WWP2: variants seen among roughly 807,000 people sequenced by gnomAD.
The protein encoded by WWP2 is WW domain containing E3 ubiquitin protein ligase 2, also known as NEDD4-like E3 ubiquitin-protein ligase WWP2.
Under a neutral mutation model 121.0 loss-of-function variants are expected in WWP2, and 57 were observed. The ratio of observed to expected loss-of-function variants is 0.47; its 90% CI spans 0.38 to 0.59. The LOEUF (loss-of-function observed/expected upper bound fraction) is 0.59. WWP2 is among the 20% of genes least tolerant of loss of function. The pLI, the probability that WWP2 is intolerant of heterozygous loss-of-function variation, is 0.00. For missense variants in WWP2, 962 were observed against 1,158.9 expected, an observed-to-expected ratio of 0.83 and a Z score of 2.47; for synonymous variants, 449 against 441.3, an observed-to-expected ratio of 1.02 and a Z score of -0.22.
intron 7 of WWP2, among the ~76,000 whole-genome samples, chr16:69,880,017 T>G (rs2057798815): frequency 6.6e-6 from 1 of 151,688 alleles, no homozygotes; most frequent in African/African-American, 2.4e-5. Flanking sequence ...TATGGCCACA[T>G]TGGTTCTGCA....
At chr16:69,908,324 A>G (rs1453819013) in intron 8 of WWP2, among the ~76,000 whole-genome samples, 1 of 152,150 alleles carries the variant, frequency 6.6e-6, no homozygotes, top group Non-Finnish European at 1.5e-5. Flanking sequence ...CCTATAGATG[A>G]TCTTGTGGAG....
Position 69,871,883 on chromosome 16 carries a change from C to T in WWP2, c.655C>T (p.Arg219Cys), listed in dbSNP as rs766287861. The T allele has an allele frequency of 2.8e-5, 45 of 1,613,972 alleles. No homozygotes were observed. Among genetic ancestry groups the T allele is most frequent in the Admixed American group, 3.3e-5 (2 of 60,002 alleles). The stretch of plus-strand genomic sequence containing the variant: ...AAGCCCCGGTGCTCGGAGCCGGCAC[C>T]GCCAGCCCGTCAAGAACTCAGGCCA... Reference protein sequence around the residue: ...EQSPGARSRHRQPVKNSGHSG... With the variant: ...EQSPGARSRHCQPVKNSGHSG... Residue 219 changes from arginine to cysteine, a missense_variant, in exon 7 of 24, where the codon CGC becomes TGC. By Grantham distance (180) the Arg-to-Cys change is radical. Around this residue, in one of 3 missense-constraint regions of WWP2, gnomAD observed 211 missense variants for 196.5 expected, o/e 1.07. Coordinates refer to ENST00000359154, the MANE Select transcript of WWP2 (RefSeq NM_001270454.2).
intron 7 of WWP2, among the ~76,000 whole-genome samples, chr16:69,872,373 C>T (rs1270526361): frequency 2.6e-5 from 4 of 152,066 alleles, no homozygotes; most frequent in Non-Finnish European, 2.9e-5. Flanking sequence ...CCCACTGCCA[C>T]GCCCGGCTAA....
chr16:69,778,426 A>G (rs2055587485), intron 1 of WWP2, among the ~76,000 whole-genome samples: 1 of 151,986 alleles, frequency 6.6e-6, no homozygotes, highest in South Asian at 2.1e-4. Flanking sequence ...TTCCATGGCT[A>G]TTAGCAGGGG....
At position 69,909,136 on chromosome 16, in the gene WWP2, A is replaced by G. The variant is rs1489264926; in HGVS notation, c.1004+286A>G. ...ATGCCCAGCCTGTCCCTAAAGGCAG[A>G]GTGCTTCTTATTCGGCAGGGCTTCG... On this transcript the variant is annotated intron_variant, in intron 9 of 23. Coordinates refer to ENST00000359154, the MANE Select transcript of WWP2 (RefSeq NM_001270454.2). 1.6e-5 allele frequency: 17 copies of G among 1,096,156 alleles called. No homozygotes were observed. The South Asian group carries it at 4.6e-4, about 30-fold the overall frequency. 67.9% of individuals were successfully genotyped at this position (1,096,156 alleles called of 1,614,324 possible).
intron 8 of WWP2, among the ~76,000 whole-genome samples, chr16:69,898,997 C>A (rs1181007775): frequency 6.6e-6 from 1 of 152,230 alleles, no homozygotes; most frequent in Admixed American, 6.5e-5. Flanking sequence ...AGCCACCACA[C>A]CCAGCCAATC....
At chr16:69,791,606 C>G (rs888025334) in intron 2 of WWP2, among the ~76,000 whole-genome samples, 2 of 152,146 alleles carry the variant, frequency 1.3e-5, no homozygotes, top group African/African-American at 2.4e-5. Context: ...ACTGCAGCCT[C>G]AAAATAGGCT....
intron 4 of WWP2, among the ~76,000 whole-genome samples, chr16:69,825,614 T>A (rs1014243961): frequency 2.7e-5 from 4 of 150,016 alleles, no homozygotes; most frequent in Non-Finnish European, 4.4e-5. Context: ...ATAGCAGAAG[T>A]GGGTTTTTTT....
At position 69,937,112 on chromosome 16, in the gene WWP2, T is replaced by C. The variant is rs1374363975; in HGVS notation, c.2118-6T>C. 6.2e-7 allele frequency: 1 copy of C among 1,613,626 alleles called. No individual in the cohort carries two copies. The highest frequency in any genetic ancestry group is 8.5e-7 in the Non-Finnish European group (1 of 1,179,856). Reference sequence around the variant, plus strand: ...GACTCCACCCATGGCTGCTCTTTGGTCTCAGGCTGCTGACTGACTGGCGTT... The same window carrying C: ...GACTCCACCCATGGCTGCTCTTTGGCCTCAGGCTGCTGACTGACTGGCGTT... On this transcript the variant is annotated splice_polypyrimidine_tract_variant and splice_region_variant and intron_variant, in intron 19 of 23. Transcript: ENST00000359154. The surrounding 1 kb of genome is among the most constrained non-coding windows in gnomAD (Gnocchi z 6.6).
In WWP2 at chr16:69,808,708, T is replaced by G. The variant is rs138927140; in HGVS notation, c.340+9413T>G. Reference sequence around the variant, plus strand: ...TGAGCCACTGCGCCCGGCCATGGCCTGTCTTTGTATTTGGGTGTAGTGTTC... The same window carrying G: ...TGAGCCACTGCGCCCGGCCATGGCCGGTCTTTGTATTTGGGTGTAGTGTTC... On this transcript the variant is annotated intron_variant, in intron 4 of 23. Coordinates refer to ENST00000359154, the MANE Select transcript of WWP2 (RefSeq NM_001270454.2). Among the ~76,000 whole-genome samples the G allele has an allele frequency of 1.9e-3, 284 of 152,326 alleles. 1 individual carries two copies. Among genetic ancestry groups the G allele is most frequent in the Middle Eastern group, 0.01 (3 of 294 alleles).
Position 69,888,103 on chromosome 16 carries a change from A to T in WWP2, c.768A>T (p.Pro256=). Residue 256 remains proline (P), a synonymous_variant, in exon 8 of 24, where the codon CCA becomes CCT. Coordinates refer to ENST00000359154, the MANE Select transcript of WWP2 (RefSeq NM_001270454.2). The part of the protein sequence containing the change: ...EEPSVVGVTS[P]PAAPLSVTPN... The stretch of plus-strand genomic sequence containing the variant: ...CTTCCGTTGTTGGTGTGACGTCCCC[A>T]CCTGCTGCACCCTTGAGTGTGACCC... 4 of 1,614,202 alleles carry T rather than the reference A, an allele frequency of 2.5e-6. No homozygotes were observed. Among genetic ancestry groups the T allele is most frequent in the Admixed American group, 1.7e-5 (1 of 60,022 alleles).
intron 2 of WWP2, among the ~76,000 whole-genome samples, chr16:69,798,143 A>G (rs2056086066): frequency 6.6e-6 from 1 of 152,240 alleles, no homozygotes; most frequent in Non-Finnish European, 1.5e-5. Flanking sequence ...ATGGGAGGCT[A>G]CATGGGTTTA....
Position 69,925,435 on chromosome 16 carries a change from G to C in WWP2, c.1185G>C (p.Ser395=). 1.2e-6 allele frequency: 2 copies of C among 1,613,900 alleles called. No homozygotes were observed. Among genetic ancestry groups the C allele is most frequent in the Non-Finnish European group, 1.7e-6 (2 of 1,179,908 alleles). ...GCTGTGTTTCTTGTGTTTAGTCTTCGAGTGCTTCGACTGACCATGATCCCC... is the reference window on the plus strand; with the variant it reads ...GCTGTGTTTCTTGTGTTTAGTCTTCCAGTGCTTCGACTGACCATGATCCCC... ...HFSQRFLYQS[S]SASTDHDPLG... is the part of the protein sequence containing the mutation. The change falls in exon 11 of 24, where the codon TCG becomes TCC. Residue 395 remains serine (S), a synonymous_variant. Coordinates refer to ENST00000359154, the MANE Select transcript of WWP2 (RefSeq NM_001270454.2). This position sits in a 1 kb window ranked among gnomAD's most constrained non-coding sequence, Gnocchi z 4.0.
In WWP2 at chr16:69,930,276, G is replaced by A. The variant is rs755136848; in HGVS notation, c.1445+18G>A. 1.2e-6 allele frequency: 2 copies of A among 1,612,080 alleles called. No homozygotes were observed. Among genetic ancestry groups the A allele is most frequent in the Admixed American group, 3.4e-5 (2 of 59,674 alleles). On this transcript the variant is annotated intron_variant, in intron 13 of 23. Coordinates refer to ENST00000359154, the MANE Select transcript of WWP2 (RefSeq NM_001270454.2). ...GAGTCGGGGTAAGGACTTTGTGCAG[G>A]TAGCAGCAGTGTCAGGAGCCGAGGC...
At chr16:69,920,974 C>G (rs1016493233) in intron 10 of WWP2, among the ~76,000 whole-genome samples, 2 of 152,092 alleles carry the variant, frequency 1.3e-5, no homozygotes, top group Non-Finnish European at 2.9e-5. Flanking sequence ...CAACATTATT[C>G]TGGGTTTATA....
intron 17 of WWP2, among the ~76,000 whole-genome samples, chr16:69,934,439 T>C (rs2058765290): frequency 2.0e-5 from 3 of 151,718 alleles, no homozygotes; most frequent in South Asian, 4.2e-4. Context: ...CTGTAGGTAG[T>C]GAAGAGTTTC....
At chr16:69,844,604 T>G (rs2057035907) in intron 6 of WWP2, among the ~76,000 whole-genome samples, 1 of 152,222 alleles carries the variant, frequency 6.6e-6, no homozygotes, top group South Asian at 2.1e-4. Flanking sequence ...AAACCTCGTT[T>G]GTTGTCATTG....
chr16:69,805,861 C>T (rs189427015), intron 4 of WWP2, among the ~76,000 whole-genome samples: 163 of 151,146 alleles, frequency 1.1e-3, no homozygotes, highest in African/African-American at 3.9e-3. Flanking sequence ...TATTAAGCAG[C>T]CATTGGAATG....
At chr16:69,869,900 C>T (rs11075743) in intron 6 of WWP2, among the ~76,000 whole-genome samples, 143,361 of 152,246 alleles carry the variant, frequency 0.94, 67,592 homozygotes, top group East Asian at 1. Flanking sequence ...CCAGCAGGGT[C>T]GTTCTGCTGG....
Sources: gnomAD v4.1 joint callset for allele counts (sites outside exome capture counted in the v4.1 genomes callset) on GRCh38, gnomAD v4.1.1 for gene constraint, gnomAD v4.1.1 regional missense constraint, Gnocchi (gnomAD v3.1) non-coding constraint, MANE v1.5 for transcripts, NCBI Gene and HGNC (gene_info 2026-07-23, HGNC 2026-07-21) for gene names.